The following DACH2 variants were observed in gnomAD, a reference collection of about 807,000 sequenced individuals.
DACH2 encodes the protein dachshund family transcription factor 2.
A neutral mutation model predicts 35.8 loss-of-function variants in DACH2; 17 were observed. The observed-to-expected ratio is 0.48, with a 90% CI of 0.33 to 0.71. The LOEUF is 0.71. Ranked by LOEUF, DACH2 falls within the 30% of genes least tolerant of loss-of-function variation. DACH2 has a pLI of 0.02. For missense variants in DACH2, 469 were observed against 472.7 expected, an observed-to-expected ratio of 0.99 and a Z score of 0.07; for synonymous variants, 195 against 177.3, an observed-to-expected ratio of 1.10 and a Z score of -0.79.
chrX:86,597,317 C>A (rs921786852), intron 3 of DACH2, among the ~76,000 whole-genome samples: 2 of 111,732 alleles, frequency 1.8e-5, no homozygotes, highest in Non-Finnish European at 3.8e-5. Context: ...ACTGTAATTT[C>A]TCCCTTAAGC....
At chrX:86,431,101 G>A (rs190245271) in intron 2 of DACH2, among the ~76,000 whole-genome samples, 3 of 111,252 alleles carry the variant, frequency 2.7e-5, no homozygotes, top group African/African-American at 9.8e-5. Flanking sequence ...AATAATCTAG[G>A]CATGGTAATC....
chrX:86,581,910 A>G (rs761239352), intron 3 of DACH2, among the ~76,000 whole-genome samples: 1 of 111,696 alleles, frequency 9.0e-6, no homozygotes, highest in Non-Finnish European at 1.9e-5. Context: ...ACAACAGAAT[A>G]TACATTCTTT....
chrX:86,466,205 T>A (rs933237002), intron 2 of DACH2, among the ~76,000 whole-genome samples: 2 of 111,417 alleles, frequency 1.8e-5, no homozygotes, highest in African/African-American at 6.5e-5. Flanking sequence ...GATAAAACCA[T>A]CAGACCTTGT....
chrX:86,301,878 A>G (rs2034582797), intron 1 of DACH2, among the ~76,000 whole-genome samples: 1 of 111,593 alleles, frequency 9.0e-6, no homozygotes, highest in Non-Finnish European at 1.9e-5. Context: ...ATGGGAGTCC[A>G]GTGTATCCAT....
intron 11 of DACH2, among the ~76,000 whole-genome samples, chrX:86,822,978 G>A (rs936929678): frequency 3.4e-4 from 38 of 111,208 alleles, no homozygotes; most frequent in Middle Eastern, 4.3e-3. Flanking sequence ...TTGTTGAGAC[G>A]GAGTTTCATG....
chrX:86,752,951 G>T (rs900392143), intron 7 of DACH2, among the ~76,000 whole-genome samples: 1 of 110,480 alleles, frequency 9.1e-6, no homozygotes, highest in African/African-American at 3.3e-5. Context: ...TATTAATATA[G>T]AATTAGCAAT....
intron 5 of DACH2, among the ~76,000 whole-genome samples, chrX:86,702,056 A>T (rs2148450305): frequency 8.9e-6 from 1 of 112,038 alleles, no homozygotes; most frequent in South Asian, 3.7e-4. Flanking sequence ...TTTAAAAATC[A>T]AAATTATATG....
intron 3 of DACH2, among the ~76,000 whole-genome samples, chrX:86,549,472 T>C (rs964243381): frequency 5.4e-5 from 6 of 111,292 alleles, no homozygotes; most frequent in Non-Finnish European, 1.1e-4. Flanking sequence ...TAAAATCTTA[T>C]TTTAAATGTA....
At chrX:86,626,514 G>T (rs2040139495) in intron 3 of DACH2, among the ~76,000 whole-genome samples, 1 of 112,797 alleles carries the variant, frequency 8.9e-6, no homozygotes, top group Non-Finnish European at 1.9e-5. Flanking sequence ...TGGGGACTCT[G>T]TGTGGGGGAT....
At chrX:86,636,561 C>T (rs2040268360) in intron 3 of DACH2, among the ~76,000 whole-genome samples, 1 of 111,419 alleles carries the variant, frequency 9.0e-6, no homozygotes. Context: ...GGCCACACGA[C>T]TACAACTACC....
chrX:86,740,531 G>T (rs1276069321), intron 7 of DACH2, among the ~76,000 whole-genome samples: 3 of 76,731 alleles, frequency 3.9e-5, no homozygotes, highest in African/African-American at 1.6e-4. Context: ...AGTCCCCGGA[G>T]TATGATGTTC....
At chrX:86,570,236 G>T (rs895052054) in intron 3 of DACH2, among the ~76,000 whole-genome samples, 4 of 111,085 alleles carry the variant, frequency 3.6e-5, no homozygotes, top group African/African-American at 1.3e-4. Context: ...CTCGTTACTG[G>T]GTATATACCC....
At chrX:86,627,815 A>T (rs1043612326) in intron 3 of DACH2, among the ~76,000 whole-genome samples, 2 of 112,371 alleles carry the variant, frequency 1.8e-5, no homozygotes, top group African/African-American at 6.5e-5. Flanking sequence ...TGCTTGATGT[A>T]TTTGGCTTCA....
chrX:86,149,816 G>A (rs1277947027), intron 1 of DACH2, among the ~76,000 whole-genome samples: 2 of 112,298 alleles, frequency 1.8e-5, no homozygotes, highest in African/African-American at 6.5e-5. Context: ...ACTTTCCTGG[G>A]ATCGTCCGTT....
chrX:86,508,642 G>A (rs968470559), intron 2 of DACH2, among the ~76,000 whole-genome samples: 2 of 111,427 alleles, frequency 1.8e-5, no homozygotes, highest in African/African-American at 6.5e-5. Flanking sequence ...AGAAAAGGTT[G>A]CTAATAATTC....
chrX:86,468,112 T>A (rs905472900), intron 2 of DACH2, among the ~76,000 whole-genome samples: 2 of 111,900 alleles, frequency 1.8e-5, no homozygotes, highest in Non-Finnish European at 3.8e-5. Context: ...TTCAAAAGAA[T>A]TACTACAGCC....
At chrX:86,206,431 A>G (rs59912082) in intron 1 of DACH2, among the ~76,000 whole-genome samples, 3,929 of 111,996 alleles carry the variant, frequency 0.035, 177 homozygotes, top group African/African-American at 0.12. Context: ...GTGCCCTTGC[A>G]TTGCCTGTCT....
intron 2 of DACH2, among the ~76,000 whole-genome samples, chrX:86,388,917 C>G (rs1469213463): frequency 9.0e-6 from 1 of 111,342 alleles, no homozygotes; most frequent in Non-Finnish European, 1.9e-5. Context: ...TCTGAAATAG[C>G]AATTTTCTCC....
chrX:86,707,861 G>A (rs2041233995), intron 5 of DACH2, among the ~76,000 whole-genome samples: 1 of 82,354 alleles, frequency 1.2e-5, no homozygotes, highest in South Asian at 6.1e-4. Context: ...GTTGCAGTGA[G>A]CCGAGATCAC....
Sources: gnomAD v4.1 joint callset for allele counts (sites outside exome capture counted in the v4.1 genomes callset) on GRCh38, gnomAD v4.1.1 for gene constraint, MANE v1.5 for transcripts, NCBI Gene and HGNC (gene_info 2026-07-23, HGNC 2026-07-21) for gene names.